The following NRG3 variants were observed in gnomAD, a reference collection of about 807,000 sequenced individuals.
NRG3 encodes pro-neuregulin-3, membrane-bound isoform.
NRG3 carries 31 observed loss-of-function variants against 66.9 expected under a neutral mutation model. The ratio of observed to expected loss-of-function variants is 0.46; its 90% CI spans 0.35 to 0.63. The LOEUF is 0.63. Ranked by LOEUF, NRG3 falls within the 20% of genes least tolerant of loss-of-function variation. The pLI, the probability that NRG3 is intolerant of heterozygous loss-of-function variation, is 0.00. For missense variants in NRG3, 910 were observed against 878.9 expected (o/e 1.04, Z -0.45); for synonymous variants, 393 against 359.4 (o/e 1.09, Z -1.06).
intron 1 of NRG3, among the ~76,000 whole-genome samples, chr10:82,076,770 A>G (rs901108146): frequency 2.6e-5 from 4 of 152,200 alleles, no homozygotes; most frequent in South Asian, 2.1e-4. Context: ...CTCTCATGAG[A>G]AGCAGACGCT....
intron 1 of NRG3, among the ~76,000 whole-genome samples, chr10:82,260,299 G>A (rs914506310): frequency 2.6e-5 from 4 of 152,166 alleles, no homozygotes; most frequent in Non-Finnish European, 4.4e-5. Flanking sequence ...CATGGGAGAC[G>A]TTTATAATGC....
At chr10:82,282,009 T>C (rs1245480568) in intron 1 of NRG3, among the ~76,000 whole-genome samples, 1 of 152,126 alleles carries the variant, frequency 6.6e-6, no homozygotes, top group Non-Finnish European at 1.5e-5. Context: ...ATCCTAATAC[T>C]ATGTATTCCA....
intron 1 of NRG3, among the ~76,000 whole-genome samples, chr10:81,923,633 C>A (rs12256437): frequency 0.026 from 3,893 of 152,282 alleles, 190 homozygotes; most frequent in African/African-American, 0.09. Flanking sequence ...CTTGGAAATT[C>A]TTCCTCCTCA....
At chr10:82,918,656 CCAGTTTCA>C (rs1564630101) in intron 4 of NRG3, among the ~76,000 whole-genome samples, 1 of 152,082 alleles carries the variant, frequency 6.6e-6, no homozygotes, top group Non-Finnish European at 1.5e-5. Context: ...TTAAAGATGC[CCAGTTTCA>C]CTGTGCCTGA....
chr10:82,486,660 C>G (rs922833089), intron 2 of NRG3, among the ~76,000 whole-genome samples: 2 of 152,174 alleles, frequency 1.3e-5, no homozygotes, highest in Admixed American at 6.5e-5. Context: ...GATCTGCCCA[C>G]CTCAGCCTCC....
At chr10:82,721,414 A>T (rs2057314529) in intron 2 of NRG3, among the ~76,000 whole-genome samples, 1 of 151,284 alleles carries the variant, frequency 6.6e-6, no homozygotes, top group Admixed American at 6.6e-5. Flanking sequence ...CTGGGATTAC[A>T]GGCGTGAGCC....
chr10:82,435,166 A>G (rs11498832), intron 2 of NRG3, among the ~76,000 whole-genome samples: 34,881 of 151,844 alleles, frequency 0.23, 6,131 homozygotes, highest in African/African-American at 0.49. Flanking sequence ...TCCTGGTTTA[A>G]TCTTGGTAGG....
intron 3 of NRG3, among the ~76,000 whole-genome samples, chr10:82,762,008 TTC>T (rs945789261): frequency 2.0e-5 from 3 of 149,756 alleles, no homozygotes; most frequent in African/African-American, 7.5e-5. Flanking sequence ...CTTTCTCTCT[TTC>T]TTTCTTTCTT....
chr10:82,109,977 G>T (rs1026142841), intron 1 of NRG3, among the ~76,000 whole-genome samples: 3 of 152,030 alleles, frequency 2.0e-5, no homozygotes, highest in Admixed American at 1.3e-4. Flanking sequence ...CTAATTTTTG[G>T]TGACAATATG....
At chr10:82,645,747 G>A (rs1387966010) in intron 2 of NRG3, among the ~76,000 whole-genome samples, 1 of 152,140 alleles carries the variant, frequency 6.6e-6, no homozygotes, top group East Asian at 1.9e-4. Flanking sequence ...AGCCCCTATG[G>A]TTATAGGTGG....
chr10:82,173,050 G>A (rs1256353332), intron 1 of NRG3, among the ~76,000 whole-genome samples: 1 of 151,978 alleles, frequency 6.6e-6, no homozygotes, highest in African/African-American at 2.4e-5. Flanking sequence ...AAATTTTATG[G>A]CTCAAAAAAT....
chr10:82,377,358 A>G (rs943288461), intron 2 of NRG3, among the ~76,000 whole-genome samples: 1 of 152,162 alleles, frequency 6.6e-6, no homozygotes, highest in Non-Finnish European at 1.5e-5. Flanking sequence ...TATGAGACAT[A>G]CATGCATCAT....
At chr10:82,165,709 G>C (rs536964296) in intron 1 of NRG3, among the ~76,000 whole-genome samples, 1 of 151,610 alleles carries the variant, frequency 6.6e-6, no homozygotes, top group East Asian at 1.9e-4. Flanking sequence ...TTTTTTGAGA[G>C]GGGGCGTGAC....
intron 2 of NRG3, among the ~76,000 whole-genome samples, chr10:82,676,915 G>T (rs1359982570): frequency 6.6e-6 from 1 of 152,064 alleles, no homozygotes; most frequent in Non-Finnish European, 1.5e-5. Context: ...CTTTGAGGCA[G>T]AGAAAACTTC....
intron 2 of NRG3, among the ~76,000 whole-genome samples, chr10:82,732,057 T>TC (rs1288595124): frequency 1.3e-5 from 2 of 152,290 alleles, no homozygotes; most frequent in East Asian, 3.9e-4. Context: ...ATTTAGCCAT[T>TC]CCACATTGAA....
intron 3 of NRG3, among the ~76,000 whole-genome samples, chr10:82,799,180 C>T (rs116859105): frequency 1.9e-3 from 293 of 152,128 alleles, no homozygotes; most frequent in African/African-American, 4.1e-3. Context: ...CTTATTGGTG[C>T]GGCTGTATAT....
At chr10:82,454,295 T>A (rs2091170266) in intron 2 of NRG3, among the ~76,000 whole-genome samples, 1 of 152,186 alleles carries the variant, frequency 6.6e-6, no homozygotes, top group Admixed American at 6.5e-5. Context: ...ATTAACAATT[T>A]TACCTATTTG....
intron 1 of NRG3, chr10:82,230,266 A>G (rs565017603): frequency 6.6e-6 from 1 of 152,328 alleles, no homozygotes; most frequent in African/African-American, 2.4e-5. Flanking sequence ...CAGGGCTCCC[A>G]GAAGATACCA....
chr10:82,325,765 A>G (rs2081839390), intron 1 of NRG3, among the ~76,000 whole-genome samples: 1 of 152,072 alleles, frequency 6.6e-6, no homozygotes, highest in South Asian at 2.1e-4. Flanking sequence ...CTTCATGTGT[A>G]TTATAAGAAC....
Sources: gnomAD v4.1 joint callset for allele counts (sites outside exome capture counted in the v4.1 genomes callset) on GRCh38, gnomAD v4.1.1 for gene constraint, MANE v1.5 for transcripts, NCBI Gene and HGNC (gene_info 2026-07-23, HGNC 2026-07-21) for gene names.